The following ELF2 variants were observed in gnomAD, a reference collection of about 807,000 sequenced individuals.
ELF2 encodes the protein E74 like ETS transcription factor 2.
A neutral mutation model predicts 54.8 loss-of-function variants in ELF2; 11 were observed. The ratio of observed to expected loss-of-function variants is 0.20; its 90% confidence interval spans 0.13 to 0.33. The LOEUF is 0.33. Ranked by LOEUF, ELF2 falls within the 10% of genes least tolerant of loss-of-function variation. The pLI is 1.00. For synonymous variants in ELF2, 203 were observed against 245.1 expected (o/e 0.83, Z 1.61); for missense variants, 513 against 703.0 (o/e 0.73, Z 3.06).
intron 4 of ELF2, among the ~76,000 whole-genome samples, chr4:139,093,748 A>G (rs2148766445): frequency 6.6e-6 from 1 of 152,314 alleles, no homozygotes; most frequent in African/African-American, 2.4e-5. Flanking sequence ...AACGTGGTAT[A>G]CATTATATAC....
chr4:139,085,262 C>T (rs1229080404), intron 4 of ELF2, among the ~76,000 whole-genome samples: 1 of 152,144 alleles, frequency 6.6e-6, no homozygotes, highest in Non-Finnish European at 1.5e-5. Flanking sequence ...TCCCTGGTTT[C>T]AGAATTTAAT....
intron 4 of ELF2, among the ~76,000 whole-genome samples, chr4:139,120,610 T>TA (rs1415852842): frequency 2.2e-5 from 3 of 136,870 alleles, no homozygotes; most frequent in Admixed American, 7.0e-5. Context: ...AGCTAATTTT[T>TA]AAATTTTTTT....
At chr4:139,166,664 C>T (rs199541162) in intron 1 of ELF2, among the ~76,000 whole-genome samples, 3 of 152,040 alleles carry the variant, frequency 2.0e-5, no homozygotes, top group African/African-American at 4.8e-5. Context: ...GTCAGGAGAT[C>T]GAGACCATCC....
intron 7 of ELF2, among the ~76,000 whole-genome samples, chr4:139,064,386 G>A (rs948829886): frequency 4.6e-5 from 7 of 152,198 alleles, no homozygotes; most frequent in African/African-American, 1.4e-4. Flanking sequence ...TGCACTATTC[G>A]TTTACTATCC....
chr4:139,084,447 CGGCGGCGGCGGCGGCTGTGGCTGT>C (rs1157258018), intron 4 of ELF2: 5 of 1,141,964 alleles, frequency 4.4e-6, no homozygotes, highest in South Asian at 3.6e-5. Context: ...GGGGCGGCGG[CGGCGGCGGCGGCGGCTGTGGCTGT>C]GGCGGCCGCC....
At chr4:139,176,584 T>C (rs1742950546) in intron 1 of ELF2, among the ~76,000 whole-genome samples, 1 of 152,000 alleles carries the variant, frequency 6.6e-6, no homozygotes, top group Admixed American at 6.5e-5. Context: ...TTCAGTCCGC[T>C]TCTCGGCAGA....
At chr4:139,138,896 T>G (rs1381799387) in intron 2 of ELF2, among the ~76,000 whole-genome samples, 1 of 152,228 alleles carries the variant, frequency 6.6e-6, no homozygotes, top group Non-Finnish European at 1.5e-5. Context: ...TGGTTTCAAG[T>G]AATTTCTTAA....
chr4:139,084,951 AAG>A (rs943730185), intron 4 of ELF2, among the ~76,000 whole-genome samples: 2 of 152,206 alleles, frequency 1.3e-5, no homozygotes, highest in African/African-American at 4.8e-5. Context: ...AGAAGTGTCA[AAG>A]AGCACATTAA....
At chr4:139,105,204 ATTTAC>A (rs916215731) in intron 4 of ELF2, among the ~76,000 whole-genome samples, 7 of 152,320 alleles carry the variant, frequency 4.6e-5, no homozygotes, top group East Asian at 1.9e-4. Context: ...AATTCCATAT[ATTTAC>A]TTTAAAGAAC....
intron 3 of ELF2, among the ~76,000 whole-genome samples, chr4:139,127,289 T>C (rs994908156): frequency 6.6e-6 from 1 of 152,166 alleles, no homozygotes; most frequent in Non-Finnish European, 1.5e-5. Flanking sequence ...TGAACAAATA[T>C]GCAATACCCA....
chr4:139,090,220 C>T (rs1482776955), intron 4 of ELF2, among the ~76,000 whole-genome samples: 1 of 152,188 alleles, frequency 6.6e-6, no homozygotes, highest in Non-Finnish European at 1.5e-5. Flanking sequence ...CACCACCACA[C>T]CCAGCTTATC....
In ELF2 at chr4:139,125,239, C is replaced by T. The variant is rs1178634429; in HGVS notation, c.163G>A (p.Val55Ile). 5 of 1,613,872 alleles carry T rather than the reference C, an allele frequency of 3.1e-6. No individual in the cohort carries two copies. Among genetic ancestry groups the T allele is most frequent in the African/African-American group, 2.7e-5 (2 of 74,932 alleles). The change falls in exon 4 of 10, where the codon GTT becomes ATT. Residue 55 changes from valine (V) to isoleucine (I), a missense_variant. This residue lies in a region of ELF2 where 203 missense variants were observed against 245.9 expected (regional missense o/e 0.83). Coordinates refer to ENST00000686138, the MANE Select transcript of ELF2 (RefSeq NM_001331036.3). ...ATCATATAAGTCTCATCATCATAAA[C>T]CAGAACCTGGGCTGCATAGCCCTGC... ...LEQGYAAQVL[V>I]YDDETYMMQD...
chr4:139,151,092 G>GAAATAAAT (rs1739942752), intron 1 of ELF2, among the ~76,000 whole-genome samples: 1 of 140,498 alleles, frequency 7.1e-6, no homozygotes, highest in Non-Finnish European at 1.6e-5. Flanking sequence ...AAGAAAGAAA[G>GAAATAAAT]AAAAAGAGAG....
At chr4:139,159,504 G>C (rs1041274383) in intron 1 of ELF2, among the ~76,000 whole-genome samples, 1 of 152,180 alleles carries the variant, frequency 6.6e-6, no homozygotes, top group East Asian at 1.9e-4. Context: ...AGATGAGAAG[G>C]AGAAAAACTG....
At chr4:139,129,138 ATGG>A (rs1298198763) in intron 3 of ELF2, among the ~76,000 whole-genome samples, 1 of 151,928 alleles carries the variant, frequency 6.6e-6, no homozygotes, top group East Asian at 1.9e-4. Context: ...GGGTTTCTTC[ATGG>A]TGGTCAGGCT....
At chr4:139,156,597 G>GATATAT (rs111249661) in intron 1 of ELF2, among the ~76,000 whole-genome samples, 3 of 149,976 alleles carry the variant, frequency 2.0e-5, no homozygotes, top group African/African-American at 7.3e-5. Flanking sequence ...TTCATTCATA[G>GATATAT]ATATATATAT....
chr4:139,075,890 T>G (rs999257387), intron 4 of ELF2, among the ~76,000 whole-genome samples: 2 of 152,224 alleles, frequency 1.3e-5, no homozygotes, highest in African/African-American at 4.8e-5. Context: ...CATGAATATT[T>G]AAGAGTCTCT....
chr4:139,086,000 T>G (rs1441413437), intron 4 of ELF2, among the ~76,000 whole-genome samples: 1 of 152,194 alleles, frequency 6.6e-6, no homozygotes, highest in Non-Finnish European at 1.5e-5. Context: ...ACAAAGTGTC[T>G]TGTTACTTCA....
rs1553971374 is a variant in ELF2 at position 139,151,068 on chromosome 4, G to GAAAGAAAGAAAGAAAGA, written c.-251-11588_-251-11572dup. On this transcript the variant is annotated intron_variant, in intron 1 of 9. Coordinates refer to ENST00000686138, the MANE Select transcript of ELF2 (RefSeq NM_001331036.3). ...AGAAAGAAAGAAAGAAAGAAAGAAAGAAAGAAAGAAAGAAAGAAAGAAAGA... is the reference window on the plus strand; with the variant it reads ...AGAAAGAAAGAAAGAAAGAAAGAAAGAAAGAAAGAAAGAAAGAAAAGAAAGAAAGAAAGAAAGAAAGA... Among the ~76,000 whole-genome samples, 65 of 134,466 alleles carry GAAAGAAAGAAAGAAAGA rather than the reference G, an allele frequency of 4.8e-4. 2 individuals carry two copies. Among genetic ancestry groups the GAAAGAAAGAAAGAAAGA allele is most frequent in the African/African-American group, 1.9e-3 (62 of 33,206 alleles). The allele number at this position is 134,466 out of a possible 152,430, so 88.2% of individuals were successfully genotyped here. A position where few individuals can be genotyped will look rare whatever the true frequency, so the allele number is the denominator to read the frequency against.
Sources: gnomAD v4.1 joint callset for allele counts (sites outside exome capture counted in the v4.1 genomes callset) on GRCh38, gnomAD v4.1.1 for gene constraint, gnomAD v4.1.1 regional missense constraint, MANE v1.5 for transcripts, NCBI Gene and HGNC (gene_info 2026-07-23, HGNC 2026-07-21) for gene names.